SEC14L6: variants seen among roughly 807,000 people sequenced by gnomAD.
The protein encoded by SEC14L6 is SEC14-like protein 6.
A neutral mutation model predicts 54.1 loss-of-function variants in SEC14L6; 40 were observed. The observed-to-expected ratio is 0.74, with a 90% CI of 0.57 to 0.96. SEC14L6 has a LOEUF of 0.96. Among genes scored for constraint, SEC14L6 ranks in the 40% least tolerant of loss-of-function variants. The pLI is 0.00. For missense variants in SEC14L6, 471 were observed against 498.3 expected (o/e 0.95, Z 0.52); for synonymous variants, 171 against 198.4 (o/e 0.86, Z 1.16).
chr22:30,531,624 T>C (rs1936976591), intron 6 of SEC14L6, among the ~76,000 whole-genome samples: 1 of 152,102 alleles, frequency 6.6e-6, no homozygotes, highest in Admixed American at 6.6e-5. Context: ...CTCGGGAGGC[T>C]GAGGCAGAAG....
chr22:30,527,451 T>C (rs1936812723), intron 8 of SEC14L6, among the ~76,000 whole-genome samples: 1 of 152,020 alleles, frequency 6.6e-6, no homozygotes, highest in African/African-American at 2.4e-5. Flanking sequence ...TTTTTAATTA[T>C]TGATGTCCAA....
intron 2 of SEC14L6, among the ~76,000 whole-genome samples, chr22:30,537,839 A>G (rs1365119727): frequency 6.6e-6 from 1 of 152,156 alleles, no homozygotes; most frequent in Admixed American, 6.5e-5. Flanking sequence ...TGCTTTCTTC[A>G]GCCCCTTTTC....
intron 2 of SEC14L6, among the ~76,000 whole-genome samples, chr22:30,535,451 A>G (rs2146277759): frequency 6.6e-6 from 1 of 152,352 alleles, no homozygotes; most frequent in African/African-American, 2.4e-5. Context: ...CATAACAACC[A>G]TGAAAGCTGC....
At position 30,534,023 on chromosome 22, in the gene SEC14L6, C is replaced by T; in HGVS notation, c.147G>A (p.Leu49=). Residue 49 remains leucine, a synonymous_variant, in exon 3 of 12, where the codon CTG becomes CTA. Transcript: ENST00000402034. The part of the protein sequence containing the change: ...LRWLQARSFD[L]QKSEDMLRKH... ...TCCTCAGCATGTCCTCTGATTTCTG[C>T]AGGTCAAAGCTCCGAGCTGCAACAA... 4.5e-6 allele frequency: 7 copies of T among 1,550,846 alleles called. No homozygotes were observed. The highest frequency in any genetic ancestry group is 6.1e-6 in the Non-Finnish European group (7 of 1,146,968).
chr22:30,544,899 T>C (rs1217111676), intron 1 of SEC14L6, among the ~76,000 whole-genome samples: 1 of 152,162 alleles, frequency 6.6e-6, no homozygotes, highest in Non-Finnish European at 1.5e-5. Context: ...TCTGTGGTGT[T>C]TTGTTTTGTT....
chr22:30,543,259 G>A, intron 1 of SEC14L6: 1 of 1,592,540 alleles, frequency 6.3e-7, no homozygotes, highest in Admixed American at 1.7e-5. Flanking sequence ...CTGCGAGGTG[G>A]CCCACGTCAC....
At position 30,534,009 on chromosome 22, in the gene SEC14L6, T is replaced by C; in HGVS notation, c.161A>G (p.Asp54Gly). 6.4e-7 allele frequency: 1 copy of C among 1,550,826 alleles called. No homozygotes were observed. The highest frequency in any genetic ancestry group is 8.7e-7 in the Non-Finnish European group (1 of 1,146,994). ...ARSFDLQKSE[D>G]MLRKHMEFRK... The stretch of plus-strand genomic sequence containing the variant: ...TGTCAACCTCACCTTCCTCAGCATG[T>C]CCTCTGATTTCTGCAGGTCAAAGCT... Residue 54 changes from aspartate to glycine, a missense_variant, in exon 3 of 12, where the codon GAC becomes GGC. Asp to Gly is a moderately conservative substitution (Grantham distance 94, BLOSUM62 -1). Coordinates refer to ENST00000402034, the MANE Select transcript of SEC14L6 (RefSeq NM_001193336.4).
intron 2 of SEC14L6, among the ~76,000 whole-genome samples, chr22:30,538,076 A>C (rs2085630378): frequency 6.6e-6 from 1 of 152,198 alleles, no homozygotes; most frequent in Non-Finnish European, 1.5e-5. Context: ...GAGATGGCTC[A>C]TGCCTGTAAT....
intron 4 of SEC14L6, 22 bp downstream of exon 4, chr22:30,532,775 T>TA: frequency 6.2e-7 from 1 of 1,609,086 alleles, no homozygotes; most frequent in Non-Finnish European, 8.5e-7. Context: ...GGGATCAGGG[T>TA]ATGGGTTTGA....
intron 1 of SEC14L6, among the ~76,000 whole-genome samples, chr22:30,540,367 C>CTTTTTTTTTT (rs753718105): frequency 1.8e-5 from 2 of 114,030 alleles, no homozygotes; most frequent in Admixed American, 8.9e-5. Context: ...CTTTTTGTTC[C>CTTTTTTTTTT]TTTTTTTTTT....
At chr22:30,543,752 G>A (rs903431598) in intron 1 of SEC14L6, 37 of 1,571,526 alleles carry the variant, frequency 2.4e-5, no homozygotes, top group East Asian at 6.7e-5. Context: ...TACCTCGTCC[G>A]AATCAGACAG....
intron 5 of SEC14L6, chr22:30,532,316 G>C: frequency 2.1e-6 from 2 of 973,538 alleles, no homozygotes; most frequent in Non-Finnish European, 2.4e-6. Flanking sequence ...AGTGGGCTTT[G>C]GGGCCAATTG....
intron 1 of SEC14L6, among the ~76,000 whole-genome samples, chr22:30,540,140 G>A (rs1257522415): frequency 2.0e-5 from 3 of 152,208 alleles, no homozygotes; most frequent in African/African-American, 7.2e-5. Flanking sequence ...GAATATGAAA[G>A]AGGGTTTGGC....
chr22:30,542,837 G>A (rs1186116011), intron 1 of SEC14L6: 2 of 1,596,312 alleles, frequency 1.3e-6, no homozygotes, highest in Non-Finnish European at 1.7e-6. Flanking sequence ...CACTTCCCCC[G>A]GGTAACAACT....
chr22:30,543,766 A>G, intron 1 of SEC14L6: 6 of 1,555,906 alleles, frequency 3.9e-6, no homozygotes, highest in Non-Finnish European at 4.4e-6. Context: ...CAGACAGAAG[A>G]AAGCCCAGGG....
At chr22:30,542,796 C>T in intron 1 of SEC14L6, 1 of 1,594,474 alleles carries the variant, frequency 6.3e-7, no homozygotes, top group South Asian at 1.1e-5. Context: ...CTGGACCAGG[C>T]CGGAAATTAA....
Position 30,532,591 on chromosome 22 carries a change from C to T in SEC14L6, c.357G>A (p.Glu119=). ...AGCTCCGGAAGCTGTCCCTGAGCAA[C>T]TCCTGTTTGGAGGCTGAGAGCAAGA... is the stretch of plus-strand genomic sequence containing the variant. ...KGLLLSASKQ[E]LLRDSFRSCE... Residue 119 remains glutamate, a synonymous_variant, in exon 5 of 12, where the codon GAG becomes GAA. Coordinates refer to ENST00000402034, the MANE Select transcript of SEC14L6 (RefSeq NM_001193336.4). 1.3e-6 allele frequency: 2 copies of T among 1,550,648 alleles called. No individual in the cohort carries two copies. Among genetic ancestry groups the T allele is most frequent in the Non-Finnish European group, 1.7e-6 (2 of 1,147,014 alleles).
chr22:30,534,183 A>G (rs1937072520), intron 2 of SEC14L6, 144 bp from the exon 3 acceptor site: 4 of 658,602 alleles, frequency 6.1e-6, no homozygotes, highest in South Asian at 4.0e-5. Context: ...GGGAGCCACA[A>G]TGGCTGAGAT....
rs547797736 is a variant in SEC14L6 at position 30,525,395 on chromosome 22, T to C, written c.1036A>G (p.Met346Val). Residue 346 changes from methionine (M) to valine (V), a missense_variant, in exon 11 of 12, where the codon ATG becomes GTG. Physicochemically the swap from Met to Val is conservative, Grantham distance 21. Coordinates refer to ENST00000402034, the MANE Select transcript of SEC14L6 (RefSeq NM_001193336.4). The stretch of plus-strand genomic sequence containing the variant: ...GTGAGAATCCCATCTTCAGGCACCA[T>C]GTGGGCATTGTAGCGCTGGCTGGGC... ...VLPSQRYNAH[M>V]VPEDGILTCL... The C allele has an allele frequency of 9.9e-6, 16 of 1,614,170 alleles. No individual in the cohort carries two copies. The African/African-American group carries it at 2.0e-4, about 20-fold the overall frequency.
Sources: allele counts gnomAD v4.1 joint callset (sites outside exome capture counted in the v4.1 genomes callset), GRCh38; gene constraint gnomAD v4.1.1; transcripts MANE v1.5; gene names NCBI Gene and HGNC (gene_info 2026-07-23, HGNC 2026-07-21).